ACTR3C: variants seen among roughly 807,000 people sequenced by gnomAD.
ACTR3C encodes the protein actin-related protein 3C.
A neutral mutation model predicts 26.3 loss-of-function variants in ACTR3C; 18 were observed. The observed-to-expected ratio is 0.68, with a 90% CI of 0.47 to 1.01. ACTR3C has a LOEUF of 1.01. Ranked by LOEUF, ACTR3C falls within the 50% of genes least tolerant of loss-of-function variation. The pLI, the probability that ACTR3C is intolerant of heterozygous loss-of-function variation, is 0.00. For synonymous variants in ACTR3C, 55 were observed against 94.5 expected (o/e 0.58, Z 2.42); for missense variants, 184 against 250.7 (o/e 0.73, Z 1.80).
intron 6 of ACTR3C, among the ~76,000 whole-genome samples, chr7:150,266,007 T>C (rs1265193060): frequency 6.6e-6 from 1 of 151,564 alleles, no homozygotes; most frequent in Non-Finnish European, 1.5e-5. Flanking sequence ...TTTAATCTGC[T>C]GTTCCTATTC....
the ACTR3C span, among the ~76,000 whole-genome samples, chr7:150,048,942 G>A: frequency 2.5e-3 from 364 of 145,794 alleles, no homozygotes; most frequent in African/African-American, 4.3e-3. Flanking sequence ...GCTGCGCCCC[G>A]CAGAGAGCCC....
chr7:150,298,974 C>CTTTT (rs550994860), intron 1 of ACTR3C, among the ~76,000 whole-genome samples: 27 of 82,502 alleles, frequency 3.3e-4, no homozygotes, highest in South Asian at 4.9e-4. Context: ...GTAATGAAAA[C>CTTTT]TTTTTTTTTT....
chr7:150,110,797 G>T, the ACTR3C span, among the ~76,000 whole-genome samples: 1 of 134,570 alleles, frequency 7.4e-6, no homozygotes, highest in East Asian at 2.1e-4. Context: ...AGGCAAGGCC[G>T]GCAGGGGGCA....
At chr7:149,988,612 C>T in the ACTR3C span, among the ~76,000 whole-genome samples, 1 of 152,180 alleles carries the variant, frequency 6.6e-6, no homozygotes, top group African/African-American at 2.4e-5. Context: ...AAATTGGTGG[C>T]TGAGAGGCTG....
chr7:150,211,573 G>T, the ACTR3C span, among the ~76,000 whole-genome samples: 1 of 149,396 alleles, frequency 6.7e-6, no homozygotes, highest in East Asian at 1.9e-4. Flanking sequence ...GAACCACCAT[G>T]CCCGGCCCAT....
intron 4 of ACTR3C, among the ~76,000 whole-genome samples, chr7:150,289,038 A>G (rs1363333515): frequency 6.6e-6 from 1 of 151,184 alleles, no homozygotes; most frequent in Non-Finnish European, 1.5e-5. Flanking sequence ...TGTCACAGCC[A>G]CACCTGTGTG....
chr7:149,906,847 C>T, the ACTR3C span, among the ~76,000 whole-genome samples: 6 of 48,758 alleles, frequency 1.2e-4, no homozygotes, highest in East Asian at 9.1e-4. Context: ...CTCAGCCCCT[C>T]GCTGCTCCTC....
At chr7:149,932,664 C>T in the ACTR3C span, among the ~76,000 whole-genome samples, 1 of 148,672 alleles carries the variant, frequency 6.7e-6, no homozygotes, top group Non-Finnish European at 1.5e-5. Context: ...TGTCTTAATT[C>T]CTGGAGGAAG....
At chr7:149,906,471 C>T in the ACTR3C span, among the ~76,000 whole-genome samples, 2 of 116,858 alleles carry the variant, frequency 1.7e-5, no homozygotes, top group African/African-American at 3.3e-5. Context: ...TCACTCTGTC[C>T]CCCAGGCTGG....
chr7:149,981,712 A>G, the ACTR3C span, among the ~76,000 whole-genome samples: 24 of 151,866 alleles, frequency 1.6e-4, no homozygotes, highest in Non-Finnish European at 5.9e-5. Flanking sequence ...GCACTGTTCC[A>G]AGGGCAGCCA....
chr7:150,197,947 C>T, the ACTR3C span, among the ~76,000 whole-genome samples: 1 of 150,722 alleles, frequency 6.6e-6, no homozygotes, highest in East Asian at 2.0e-4. Context: ...CTCACTGCAA[C>T]CTCCCTGCCT....
At chr7:150,059,041 A>G in the ACTR3C span, among the ~76,000 whole-genome samples, 1 of 152,210 alleles carries the variant, frequency 6.6e-6, no homozygotes, top group Non-Finnish European at 1.5e-5. Context: ...TCCCACCCAG[A>G]TAAAATCCCC....
At chr7:149,992,517 G>A in the ACTR3C span, among the ~76,000 whole-genome samples, 1 of 152,202 alleles carries the variant, frequency 6.6e-6, no homozygotes, top group East Asian at 1.9e-4. Flanking sequence ...GTCTAGCCAA[G>A]AACAATATGA....
chr7:150,174,926 A>G, the ACTR3C span, among the ~76,000 whole-genome samples: 2 of 144,044 alleles, frequency 1.4e-5, no homozygotes, highest in African/African-American at 2.9e-5. Context: ...TTCTCTCCCA[A>G]ATTGATCAGT....
chr7:150,269,351 G>A (rs1834274132), intron 6 of ACTR3C, among the ~76,000 whole-genome samples: 1 of 145,754 alleles, frequency 6.9e-6, no homozygotes, highest in African/African-American at 2.7e-5. Context: ...GCCAGGTGGG[G>A]ATGCCCAAAG....
At chr7:150,043,237 C>T in the ACTR3C span, among the ~76,000 whole-genome samples, 1 of 151,176 alleles carries the variant, frequency 6.6e-6, no homozygotes, top group Admixed American at 6.6e-5. Context: ...CACAGTCCTC[C>T]AGGTGGTTCC....
At chr7:149,912,298 C>T in the ACTR3C span, among the ~76,000 whole-genome samples, 3 of 151,992 alleles carry the variant, frequency 2.0e-5, no homozygotes, top group Non-Finnish European at 2.9e-5. Flanking sequence ...CTGTTAGGCT[C>T]ACAGCTCTAA....
At chr7:149,991,829 TAA>T in the ACTR3C span, among the ~76,000 whole-genome samples, 1 of 152,178 alleles carries the variant, frequency 6.6e-6, no homozygotes, top group South Asian at 2.1e-4. Flanking sequence ...CTCCTGAGCT[TAA>T]GCGTTCTCCC....
At chr7:150,096,300 G>C in the ACTR3C span, among the ~76,000 whole-genome samples, 1 of 150,914 alleles carries the variant, frequency 6.6e-6, no homozygotes, top group Non-Finnish European at 1.5e-5. Context: ...TGGAGTTTAC[G>C]AGGTTCTTGG....
Sources: allele counts gnomAD v4.1 joint callset (sites outside exome capture counted in the v4.1 genomes callset), GRCh38; gene constraint gnomAD v4.1.1; transcripts MANE v1.5; gene names NCBI Gene and HGNC (gene_info 2026-07-23, HGNC 2026-07-21).